S100A8: variants seen among roughly 807,000 people sequenced by gnomAD.
S100A8 encodes S100 calcium binding protein A8, also known as protein S100-A8.
Under a neutral mutation model 4.2 loss-of-function variants are expected in S100A8, and 1 was observed. The ratio of observed to expected loss-of-function variants is 0.24; its 90% CI spans 0.08 to 1.12. The LOEUF is 1.12. Among genes scored for constraint, S100A8 ranks in the 50% most tolerant of loss-of-function variants. The pLI is 0.53. For synonymous variants in S100A8, 41 were observed against 44.7 expected (o/e 0.92, Z 0.33); for missense variants, 96 against 111.8 (o/e 0.86, Z 0.64).
the S100A8 span, among the ~76,000 whole-genome samples, chr1:153,398,434 T>C: frequency 1.1e-4 from 17 of 149,502 alleles, no homozygotes; most frequent in South Asian, 1.1e-3. Flanking sequence ...CCCCCGGGCA[T>C]GGATCCCACC....
the S100A8 span, chr1:153,418,115 A>T: frequency 2.8e-5 from 45 of 1,614,082 alleles, no homozygotes; most frequent in Admixed American, 5.0e-5. Context: ...GGTCCATAAT[A>T]GGCATGATCG....
At chr1:153,398,038 A>G in the S100A8 span, among the ~76,000 whole-genome samples, 1 of 152,192 alleles carries the variant, frequency 6.6e-6, no homozygotes, top group Admixed American at 6.5e-5. Context: ...CAACCCTCAG[A>G]GTAACACTCC....
At position 153,390,505 on chromosome 1, in the gene S100A8, A is replaced by G; in HGVS notation, c.31T>C (p.Ser11Pro). ...TACTTGTGGTAGACGTCGATGATAG[A>G]GTTCAAGGCTTTCTCCAGCTCGGTC... Reference protein sequence around the residue: MLTELEKALNSIIDVYHKYSL... With the variant: MLTELEKALNPIIDVYHKYSL... Residue 11 changes from serine (S) to proline (P), a missense_variant, in exon 2 of 3, where the codon TCT (serine) becomes CCT (proline). Physicochemically the swap from Ser to Pro is moderately conservative, Grantham distance 74. Transcript: ENST00000368733. The G allele has an allele frequency of 6.2e-7, 1 of 1,614,204 alleles. No homozygotes were observed. The highest frequency in any genetic ancestry group is 8.5e-7 in the Non-Finnish European group (1 of 1,180,038).
At chr1:153,401,227 T>C in the S100A8 span, among the ~76,000 whole-genome samples, 5 of 152,262 alleles carry the variant, frequency 3.3e-5, no homozygotes, top group Non-Finnish European at 5.9e-5. Flanking sequence ...AATCCATTAT[T>C]GTTAGACATT....
chr1:153,409,435 A>G, the S100A8 span, among the ~76,000 whole-genome samples: 11 of 152,350 alleles, frequency 7.2e-5, 1 homozygote, highest in South Asian at 2.1e-3. Flanking sequence ...TAACTATCCT[A>G]AATATATATG....
chr1:153,407,502 AAGG>A, the S100A8 span, among the ~76,000 whole-genome samples: 1 of 152,186 alleles, frequency 6.6e-6, no homozygotes, highest in Non-Finnish European at 1.5e-5. Context: ...ACCACAGCTA[AAGG>A]AGGTCTGCCT....
chr1:153,401,621 C>T, the S100A8 span, among the ~76,000 whole-genome samples: 1 of 152,258 alleles, frequency 6.6e-6, no homozygotes, highest in African/African-American at 2.4e-5. Flanking sequence ...AAAGGAGTAG[C>T]GCTTTCTGGT....
chr1:153,410,872 T>C, the S100A8 span, among the ~76,000 whole-genome samples: 1 of 152,072 alleles, frequency 6.6e-6, no homozygotes, highest in Non-Finnish European at 1.5e-5. Context: ...GAACCAAAGA[T>C]AAAATCCACA....
the S100A8 span, among the ~76,000 whole-genome samples, chr1:153,412,784 C>A: frequency 3.3e-5 from 5 of 152,142 alleles, no homozygotes; most frequent in African/African-American, 1.2e-4. Flanking sequence ...CACATATACA[C>A]CATGGAATAC....
the S100A8 span, among the ~76,000 whole-genome samples, chr1:153,409,359 C>A: frequency 2.0e-5 from 3 of 152,108 alleles, no homozygotes; most frequent in Non-Finnish European, 2.9e-5. Context: ...TTTAAACCAA[C>A]AAAGAACAGA....
chr1:153,398,640 C>A, the S100A8 span, among the ~76,000 whole-genome samples: 1 of 152,214 alleles, frequency 6.6e-6, no homozygotes, highest in Non-Finnish European at 1.5e-5. Flanking sequence ...GTCAGATCAG[C>A]AGTGCTCCCT....
At chr1:153,416,047 G>C in the S100A8 span, among the ~76,000 whole-genome samples, 93 of 152,180 alleles carry the variant, frequency 6.1e-4, no homozygotes, top group African/African-American at 2.1e-3. Flanking sequence ...ACTATGAGGG[G>C]AGGGTTGAGG....
the S100A8 span, among the ~76,000 whole-genome samples, chr1:153,402,188 C>A: frequency 2.0e-5 from 3 of 152,322 alleles, no homozygotes; most frequent in Admixed American, 2.0e-4. Flanking sequence ...GTATTAAGTT[C>A]TTCCTCTTTG....
At chr1:153,407,043 C>T in the S100A8 span, among the ~76,000 whole-genome samples, 6 of 152,198 alleles carry the variant, frequency 3.9e-5, no homozygotes, top group African/African-American at 7.2e-5. Context: ...CAGCTCCCAG[C>T]GAAGCAGAAG....
the S100A8 span, among the ~76,000 whole-genome samples, chr1:153,406,336 A>T: frequency 6.6e-6 from 1 of 152,132 alleles, no homozygotes; most frequent in Non-Finnish European, 1.5e-5. Flanking sequence ...ATGCAGGGAC[A>T]TGGGGATGAT....
At chr1:153,417,215 T>C in the S100A8 span, 1 of 152,284 alleles carries the variant, frequency 6.6e-6, no homozygotes, top group African/African-American at 2.4e-5. Context: ...CACTGTCTTA[T>C]TTTTCAGGCT....
the S100A8 span, among the ~76,000 whole-genome samples, chr1:153,410,960 G>C: frequency 2.0e-5 from 3 of 152,094 alleles, no homozygotes; most frequent in African/African-American, 7.2e-5. Flanking sequence ...CAATAAATTC[G>C]GTATTGATGG....
chr1:153,403,277 G>A, the S100A8 span, among the ~76,000 whole-genome samples: 2 of 152,262 alleles, frequency 1.3e-5, no homozygotes, highest in East Asian at 1.9e-4. Flanking sequence ...AGGAAGGAAG[G>A]GGTCCAGCTT....
chr1:153,407,794 A>C, the S100A8 span, among the ~76,000 whole-genome samples: 1 of 152,190 alleles, frequency 6.6e-6, no homozygotes. Flanking sequence ...TCAGGAACCA[A>C]CATTTGCCAT....
Sources: gnomAD v4.1 joint callset for allele counts (sites outside exome capture counted in the v4.1 genomes callset) on GRCh38, gnomAD v4.1.1 for gene constraint, MANE v1.5 for transcripts, NCBI Gene and HGNC (gene_info 2026-07-23, HGNC 2026-07-21) for gene names.